SLC9C1: variants seen among roughly 807,000 people sequenced by gnomAD.
SLC9C1 encodes sodium/hydrogen exchanger 10.
SLC9C1 carries 97 observed loss-of-function variants against 140.9 expected under a neutral mutation model. The observed-to-expected ratio is 0.69, with a 90% CI of 0.58 to 0.82. SLC9C1 has a LOEUF of 0.82. Among genes scored for constraint, SLC9C1 ranks in the 40% least tolerant of loss-of-function variants. The pLI is 0.00. For synonymous variants in SLC9C1, 440 were observed against 442.6 expected (o/e 0.99, Z 0.07); for missense variants, 1,340 against 1,389.3 (o/e 0.96, Z 0.56).
intron 21 of SLC9C1, among the ~76,000 whole-genome samples, chr3:112,181,328 A>G (rs2077435682): frequency 6.6e-6 from 1 of 152,248 alleles, no homozygotes; most frequent in South Asian, 2.1e-4. Flanking sequence ...AATGGCATGC[A>G]TATGTCATAC....
intron 6 of SLC9C1, among the ~76,000 whole-genome samples, chr3:112,272,198 C>T (rs2080097190): frequency 6.6e-6 from 1 of 152,136 alleles, no homozygotes; most frequent in Non-Finnish European, 1.5e-5. Flanking sequence ...ACTCTAGTTG[C>T]AGAAACATAC....
intron 11 of SLC9C1, among the ~76,000 whole-genome samples, chr3:112,243,034 T>C (rs1029579403): frequency 6.6e-6 from 1 of 152,150 alleles, no homozygotes; most frequent in African/African-American, 2.4e-5. Flanking sequence ...CTGGCAAGGC[T>C]GTGGGGAAAA....
chr3:112,279,539 A>G (rs910986989), intron 3 of SLC9C1, among the ~76,000 whole-genome samples: 1 of 152,232 alleles, frequency 6.6e-6, no homozygotes, highest in African/African-American at 2.4e-5. Flanking sequence ...ATAATCATGC[A>G]CAAAATTCAC....
At chr3:112,160,834 G>T (rs1331139266) in intron 26 of SLC9C1, among the ~76,000 whole-genome samples, 1 of 151,708 alleles carries the variant, frequency 6.6e-6, no homozygotes, top group Non-Finnish European at 1.5e-5. Flanking sequence ...AGATCCCTGA[G>T]GAATTGCCAC....
intron 23 of SLC9C1, among the ~76,000 whole-genome samples, chr3:112,171,044 T>A (rs1242786975): frequency 6.6e-6 from 1 of 151,932 alleles, no homozygotes; most frequent in East Asian, 1.9e-4. Context: ...CGAAATGCCG[T>A]CTCTACTAAA....
intron 10 of SLC9C1, among the ~76,000 whole-genome samples, chr3:112,257,236 G>A (rs1300409263): frequency 6.6e-6 from 1 of 152,066 alleles, no homozygotes; most frequent in African/African-American, 2.4e-5. Flanking sequence ...AGCCCAAATA[G>A]CCAGGGTAAT....
At chr3:112,212,654 G>GA (rs2078242132) in intron 15 of SLC9C1, among the ~76,000 whole-genome samples, 1 of 152,066 alleles carries the variant, frequency 6.6e-6, no homozygotes, top group African/African-American at 2.4e-5. Flanking sequence ...GAAGTTTAGA[G>GA]AAAAAAGAGT....
At chr3:112,148,155 C>T (rs936336802) in intron 28 of SLC9C1, among the ~76,000 whole-genome samples, 1 of 152,106 alleles carries the variant, frequency 6.6e-6, no homozygotes, top group South Asian at 2.1e-4. Flanking sequence ...TCTCTTCTTT[C>T]ATTTCCTGGA....
At chr3:112,149,406 C>T (rs531244025) in intron 28 of SLC9C1, among the ~76,000 whole-genome samples, 1 of 151,968 alleles carries the variant, frequency 6.6e-6, no homozygotes, top group Non-Finnish European at 1.5e-5. Flanking sequence ...GGTCAGGCTG[C>T]TGATCCAGTG....
At chr3:112,185,859 C>G in intron 20 of SLC9C1, 1 of 1,589,870 alleles carries the variant, frequency 6.3e-7, no homozygotes, top group African/African-American at 1.3e-5. Context: ...GACTGCGCGG[C>G]ACAGCTCCCA....
At chr3:112,195,880 T>G (rs2077758518) in intron 20 of SLC9C1, among the ~76,000 whole-genome samples, 1 of 152,168 alleles carries the variant, frequency 6.6e-6, no homozygotes, top group Admixed American at 6.5e-5. Flanking sequence ...ATAACTGTTT[T>G]TAGTAGAAAT....
intron 2 of SLC9C1, among the ~76,000 whole-genome samples, chr3:112,283,614 C>T (rs1643903493): frequency 6.6e-6 from 1 of 152,020 alleles, no homozygotes; most frequent in African/African-American, 2.4e-5. Context: ...TAGGCTTTGA[C>T]AGTAGTTAAC....
chr3:112,285,021 C>G (rs1194949637), intron 2 of SLC9C1, among the ~76,000 whole-genome samples: 2 of 101,936 alleles, frequency 2.0e-5, no homozygotes, highest in Admixed American at 1.5e-4. Context: ...GAGTCTTGCT[C>G]TGTCACCCAG....
intron 10 of SLC9C1, among the ~76,000 whole-genome samples, chr3:112,248,167 A>C (rs1057276267): frequency 2.6e-5 from 4 of 152,178 alleles, no homozygotes; most frequent in African/African-American, 9.6e-5. Context: ...CCAAGAGTCA[A>C]CAAGAAACTA....
At chr3:112,241,755 A>G (rs1469720880) in intron 11 of SLC9C1, among the ~76,000 whole-genome samples, 2 of 152,216 alleles carry the variant, frequency 1.3e-5, no homozygotes, top group East Asian at 1.9e-4. Flanking sequence ...ACAGATACAT[A>G]GCTCAATGGG....
Position 112,235,341 on chromosome 3 carries a change from C to A in SLC9C1, c.1447-3855G>T, listed in dbSNP as rs1214831804. Among the ~76,000 whole-genome samples the A allele has an allele frequency of 4.7e-5, 7 of 147,766 alleles. No homozygotes were observed. In the Admixed American group the frequency reaches 4.8e-4, roughly 10 times the overall value. ...ATTGATTTTGTATCCTGAGACTTTG[C>A]TGAAGTTGCTTATGAGCTTAAGGAG... On this transcript the variant is annotated intron_variant, in intron 12 of 28. Transcript: ENST00000305815.
intron 10 of SLC9C1, among the ~76,000 whole-genome samples, chr3:112,258,982 T>C (rs1348693450): frequency 2.6e-5 from 4 of 152,100 alleles, no homozygotes; most frequent in Non-Finnish European, 2.9e-5. Flanking sequence ...TCACTCACTA[T>C]CATGAGAACA....
chr3:112,207,097 C>G (rs547615629), intron 16 of SLC9C1, among the ~76,000 whole-genome samples: 5 of 152,064 alleles, frequency 3.3e-5, no homozygotes, highest in East Asian at 1.9e-4. Flanking sequence ...AGCATCTATT[C>G]GAAGGGAGAA....
rs1308173993 is a variant in SLC9C1 at position 112,245,704 on chromosome 3, CTGTA to C, written c.1198-1632_1198-1629del. Among the ~76,000 whole-genome samples the C allele has an allele frequency of 7.9e-4, 120 of 152,118 alleles. No homozygotes were observed. In the East Asian group the frequency reaches 0.014, roughly 18 times the overall value. The stretch of plus-strand genomic sequence containing the variant: ...AATTATTAGGGCTATCCTCAGTTTT[CTGTA>C]TTTCTATATGGAGTTTAGATTTTGG... On this transcript the variant is annotated intron_variant, in intron 10 of 28. Coordinates refer to ENST00000305815, the MANE Select transcript of SLC9C1 (RefSeq NM_183061.3).
Sources: allele counts gnomAD v4.1 joint callset (sites outside exome capture counted in the v4.1 genomes callset), GRCh38; gene constraint gnomAD v4.1.1; transcripts MANE v1.5; gene names NCBI Gene and HGNC (gene_info 2026-07-23, HGNC 2026-07-21).